Variants in SLC4A10 observed in about 807,000 individuals in gnomAD.
SLC4A10 encodes solute carrier family 4 member 10, also known as sodium-driven chloride bicarbonate exchanger.
In SLC4A10, 42 loss-of-function variants were observed where a neutral mutation model predicts 137.7. The observed-to-expected ratio is 0.30, with a 90% CI of 0.24 to 0.39. The LOEUF is 0.39. Ranked by LOEUF, SLC4A10 falls within the 10% of genes least tolerant of loss-of-function variation. SLC4A10 has a pLI of 1.00. For synonymous variants in SLC4A10, 474 were observed against 464.1 expected (o/e 1.02, Z -0.27); for missense variants, 925 against 1,355.0 (o/e 0.68, Z 4.98).
intron 16 of SLC4A10, 118 bp from the exon 17 acceptor site, chr2:161,947,448 A>C: frequency 5.1e-6 from 5 of 986,276 alleles, no homozygotes; most frequent in Non-Finnish European, 7.1e-6. Context: ...TCATTGTGAG[A>C]GCCATAAAGG....
intron 3 of SLC4A10, among the ~76,000 whole-genome samples, chr2:161,805,748 C>G (rs542840260): frequency 8.5e-5 from 13 of 152,340 alleles, no homozygotes; most frequent in African/African-American, 3.1e-4. Flanking sequence ...ATATAGCCCA[C>G]CTCCTGGCTG....
intron 2 of SLC4A10, among the ~76,000 whole-genome samples, chr2:161,788,987 T>G (rs1407056592): frequency 6.6e-6 from 1 of 152,194 alleles, no homozygotes; most frequent in Non-Finnish European, 1.5e-5. Context: ...CCCGCCAGTC[T>G]CCTGTGGTTG....
chr2:161,817,579 G>A (rs1311346182), intron 3 of SLC4A10, among the ~76,000 whole-genome samples: 1 of 152,148 alleles, frequency 6.6e-6, no homozygotes, highest in African/African-American at 2.4e-5. Context: ...GAATGGTATT[G>A]CCTAGGTTTT....
At chr2:161,927,985 C>G (rs1219937761) in intron 15 of SLC4A10, among the ~76,000 whole-genome samples, 4 of 150,122 alleles carry the variant, frequency 2.7e-5, no homozygotes, top group African/African-American at 9.8e-5. Flanking sequence ...GGATCTAGAA[C>G]TAGAAATACC....
rs923187166 is a variant in SLC4A10 at position 161,895,572 on chromosome 2, C to T, written c.1341+747C>T. ...TATTTCTGCACATCCTCTCCAGCAC[C>T]TGTTGTTTCCTGACTTTTTAATGAT... On this transcript the variant is annotated intron_variant, in intron 11 of 26. Coordinates refer to ENST00000446997, the MANE Select transcript of SLC4A10 (RefSeq NM_001178015.2). Among the ~76,000 whole-genome samples the T allele has an allele frequency of 4.6e-5, 7 of 152,152 alleles. No homozygotes were observed. In the South Asian group the frequency reaches 6.2e-4, roughly 14 times the overall value.
intron 15 of SLC4A10, among the ~76,000 whole-genome samples, chr2:161,907,915 T>C (rs1436084208): frequency 6.6e-6 from 1 of 152,010 alleles, no homozygotes; most frequent in African/African-American, 2.4e-5. Context: ...ACAGGTAAAA[T>C]CAGAACTATT....
At chr2:161,917,331 T>C (rs1687292019) in intron 15 of SLC4A10, among the ~76,000 whole-genome samples, 1 of 152,158 alleles carries the variant, frequency 6.6e-6, no homozygotes, top group Non-Finnish European at 1.5e-5. Context: ...GGTCTTTATT[T>C]GGACTGTTTT....
intron 1 of SLC4A10, among the ~76,000 whole-genome samples, chr2:161,750,440 CTTTTGCCTTGAGATATTTTT>C (rs901769261): frequency 6.6e-6 from 1 of 151,520 alleles, no homozygotes; most frequent in Non-Finnish European, 1.5e-5. Flanking sequence ...GCTTTATTTT[CTTTTGCCTTGAGATATTTTT>C]AAGATTACCT....
intron 1 of SLC4A10, among the ~76,000 whole-genome samples, chr2:161,626,360 T>C (rs2032362710): frequency 6.6e-6 from 1 of 152,148 alleles, no homozygotes; most frequent in Non-Finnish European, 1.5e-5. Context: ...AACCAATTTA[T>C]AGCTTAAAAG....
chr2:161,860,163 T>C (rs1294993614), intron 5 of SLC4A10, among the ~76,000 whole-genome samples: 1 of 152,232 alleles, frequency 6.6e-6, no homozygotes, highest in Non-Finnish European at 1.5e-5. Context: ...GACAAGTAGA[T>C]ATAATTTGAT....
At chr2:161,817,112 C>T (rs62187690) in intron 3 of SLC4A10, among the ~76,000 whole-genome samples, 10,104 of 152,196 alleles carry the variant, frequency 0.066, 440 homozygotes, top group East Asian at 0.15. Flanking sequence ...TAAAAGTGTT[C>T]CTATTTCTCC....
chr2:161,934,182 A>C (rs1393594430), intron 15 of SLC4A10, among the ~76,000 whole-genome samples: 1 of 152,040 alleles, frequency 6.6e-6, no homozygotes, highest in Non-Finnish European at 1.5e-5. Flanking sequence ...TTTGCTCTTT[A>C]AATTATTTTA....
chr2:161,920,731 G>T (rs946779569), intron 15 of SLC4A10, among the ~76,000 whole-genome samples: 1 of 152,118 alleles, frequency 6.6e-6, no homozygotes, highest in Non-Finnish European at 1.5e-5. Flanking sequence ...TTCAAATTCA[G>T]GAAAAGAGCA....
chr2:161,698,761 A>G (rs1162876989), intron 1 of SLC4A10, among the ~76,000 whole-genome samples: 1 of 152,062 alleles, frequency 6.6e-6, no homozygotes, highest in Non-Finnish European at 1.5e-5. Context: ...TATTGGTGTA[A>G]AATTCTCTTT....
At chr2:161,637,854 T>C (rs2034681272) in intron 1 of SLC4A10, among the ~76,000 whole-genome samples, 1 of 152,172 alleles carries the variant, frequency 6.6e-6, no homozygotes, top group Non-Finnish European at 1.5e-5. Flanking sequence ...CCCTGATTGT[T>C]AGTGATGTTG....
chr2:161,926,965 A>G (rs1200847005), intron 15 of SLC4A10, among the ~76,000 whole-genome samples: 6 of 151,800 alleles, frequency 4.0e-5, no homozygotes, highest in Non-Finnish European at 7.4e-5. Flanking sequence ...TGGGTAACCC[A>G]ACCTTTCTCT....
chr2:161,673,208 C>T (rs1052970905), intron 1 of SLC4A10, among the ~76,000 whole-genome samples: 12 of 152,198 alleles, frequency 7.9e-5, no homozygotes, highest in African/African-American at 2.9e-4. Context: ...TGTATCTGGA[C>T]TCTCCCTAAC....
chr2:161,820,503 C>T (rs2125688362), intron 3 of SLC4A10, among the ~76,000 whole-genome samples: 1 of 152,208 alleles, frequency 6.6e-6, no homozygotes, highest in Non-Finnish European at 1.5e-5. Context: ...TCTGGCCTTT[C>T]TTTTTACAAT....
In SLC4A10 at chr2:161,730,382, AT is replaced by A. The variant is rs552083883; in HGVS notation, c.49-40589del. On this transcript the variant is annotated intron_variant, in intron 1 of 26. Coordinates refer to ENST00000446997, the MANE Select transcript of SLC4A10 (RefSeq NM_001178015.2). ...AGACAGATTTTGGTTTCATTTGTCC[AT>A]TCATTTGTTCACTCATAAAACAATC... 8.5e-5 allele frequency among the ~76,000 whole-genome samples: 13 copies of A among 152,304 alleles called. 1 individual carries two copies. In the South Asian group the frequency reaches 2.7e-3, roughly 32 times the overall value.
Sources: allele counts gnomAD v4.1 joint callset (sites outside exome capture counted in the v4.1 genomes callset), GRCh38; gene constraint gnomAD v4.1.1; transcripts MANE v1.5; gene names NCBI Gene and HGNC (gene_info 2026-07-23, HGNC 2026-07-21).